The following ZNF484 variants were observed in gnomAD, a reference collection of about 807,000 sequenced individuals.
ZNF484 encodes the protein KRAB box containing C2H2 type zinc finger bA526D8.4.
Under a neutral mutation model 12.9 loss-of-function variants are expected in ZNF484, and 11 were observed. That is an observed-to-expected ratio of 0.85 (90% confidence interval 0.54 to 1.41). The LOEUF (loss-of-function observed/expected upper bound fraction) is 1.41. Ranked by LOEUF, ZNF484 falls within the 40% of genes most tolerant of loss-of-function variation. ZNF484 has a pLI of 0.00. For missense variants in ZNF484, 807 were observed against 1,007.7 expected, an observed-to-expected ratio of 0.80 and a Z score of 2.70; for synonymous variants, 289 against 334.1, an observed-to-expected ratio of 0.86 and a Z score of 1.47.
At chr9:92,855,933 T>C in intron 3 of ZNF484, 30 bp from the exon 4 acceptor site, 1 of 1,608,878 alleles carries the variant, frequency 6.2e-7, no homozygotes, top group South Asian at 1.1e-5. Context: ...GAGGACTTGA[T>C]TTCAGAGGCC....
rs1294243707 is a variant in ZNF484, at chr9:92,855,544, G to C, written c.235+267C>G. Reference sequence around the variant, plus strand: ...CAAGAAAACAGGACCCTAGAAAGTAGAGTGTGACATGATCCAAAGAACCAG... The same window carrying C: ...CAAGAAAACAGGACCCTAGAAAGTACAGTGTGACATGATCCAAAGAACCAG... On this transcript the variant is annotated intron_variant, in intron 4 of 4. Coordinates refer to ENST00000375495, the MANE Select transcript of ZNF484 (RefSeq NM_031486.4). Among the ~76,000 whole-genome samples the C allele has an allele frequency of 3.3e-5, 5 of 152,148 alleles. 1 individual carries two copies. Among genetic ancestry groups the C allele is most frequent in the African/African-American group, 1.2e-4 (5 of 41,436 alleles).
chr9:92,848,468 TGAA>T lies in ZNF484; in HGVS notation c.316_318del (p.Phe106del). The T allele has an allele frequency of 6.2e-7, 1 of 1,613,716 alleles. No homozygotes were observed. Among genetic ancestry groups the T allele is most frequent in the South Asian group, 1.1e-5 (1 of 91,040 alleles). ...AAAATGGAATATGGGTCATCTCTTG[TGAA>T]GAGATTAATATTAATCTCAGACTGG... On this transcript the variant is annotated inframe_deletion, in exon 5 of 5. Transcript: ENST00000375495. The surrounding 1 kb of genome is among the most constrained non-coding windows in gnomAD (Gnocchi z 4.1).
Position 92,855,920 on chromosome 9 carries a change from A to G in ZNF484, c.143-17T>C, listed in dbSNP as rs776042617. 3.1e-6 allele frequency: 5 copies of G among 1,612,678 alleles called. No homozygotes were observed. Among genetic ancestry groups the G allele is most frequent in the Non-Finnish European group, 4.2e-6 (5 of 1,179,324 alleles). On this transcript the variant is annotated splice_polypyrimidine_tract_variant and intron_variant, in intron 3 of 4. Coordinates refer to ENST00000375495, the MANE Select transcript of ZNF484 (RefSeq NM_031486.4). ...CTTGACATCCTGTTAACAGGGGATG[A>G]TAGAGGACTTGATTTCAGAGGCCAT... is the stretch of plus-strand genomic sequence containing the variant.
At chr9:92,860,636 AC>A (rs1333608194) in intron 2 of ZNF484, among the ~76,000 whole-genome samples, 9 of 151,048 alleles carry the variant, frequency 6.0e-5, no homozygotes, top group Admixed American at 5.9e-4. Flanking sequence ...AACAAAACAA[AC>A]AAAAAAAAAC....
chr9:92,873,603 T>C (rs1857593761), intron 2 of ZNF484, among the ~76,000 whole-genome samples: 1 of 152,184 alleles, frequency 6.6e-6, no homozygotes, highest in Non-Finnish European at 1.5e-5. Flanking sequence ...ATTAACATAA[T>C]TAACATAAAT....
chr9:92,853,624 G>A (rs1856245083), intron 4 of ZNF484, among the ~76,000 whole-genome samples: 1 of 152,228 alleles, frequency 6.6e-6, no homozygotes, highest in Admixed American at 6.5e-5. Flanking sequence ...GCAACTTTAA[G>A]GAGGGCCCAA....
Position 92,847,080 on chromosome 9 carries a change from C to T in ZNF484, c.1707G>A (p.Met569Ile). The T allele has an allele frequency of 6.2e-7, 1 of 1,613,958 alleles. No individual in the cohort carries two copies. Among genetic ancestry groups the T allele is most frequent in the Non-Finnish European group, 8.5e-7 (1 of 1,179,984 alleles). Reference protein sequence around the residue: ...KAFIQKSTLSMHQRIHRGEKP... With the variant: ...KAFIQKSTLSIHQRIHRGEKP... ...TTTCCCCTCTATGAATTCTCTGGTG[C>T]ATACTTAATGTTGACTTCTGAATGA... Residue 569 changes from methionine to isoleucine, a missense_variant, in exon 5 of 5, where the codon ATG (methionine) becomes ATA (isoleucine). Transcript: ENST00000375495.
chr9:92,875,757 T>C (rs1436569533), intron 1 of ZNF484, among the ~76,000 whole-genome samples: 1 of 152,192 alleles, frequency 6.6e-6, no homozygotes, highest in Non-Finnish European at 1.5e-5. Flanking sequence ...AACTAGGCTA[T>C]AAGCTCCTCC....
intron 2 of ZNF484, among the ~76,000 whole-genome samples, chr9:92,856,689 G>A (rs1006251977): frequency 2.0e-5 from 3 of 152,124 alleles, no homozygotes; most frequent in Admixed American, 6.5e-5. Context: ...AATGATGGCT[G>A]TACAACTGAG....
intron 4 of ZNF484, among the ~76,000 whole-genome samples, chr9:92,849,983 G>C (rs985787448): frequency 3.3e-5 from 5 of 152,124 alleles, no homozygotes; most frequent in Admixed American, 6.5e-5. Flanking sequence ...TGTATTTTTA[G>C]TAGAGACGGG....
At chr9:92,856,097 T>A in intron 3 of ZNF484, 95 bp downstream of exon 3, 1 of 1,538,374 alleles carries the variant, frequency 6.5e-7, no homozygotes, top group East Asian at 2.3e-5. Context: ...AAGTCCCACA[T>A]ACCTCAGAAA....
intron 2 of ZNF484, among the ~76,000 whole-genome samples, chr9:92,869,267 T>C (rs1857289075): frequency 6.6e-6 from 1 of 152,194 alleles, no homozygotes; most frequent in African/African-American, 2.4e-5. Context: ...ATATATATTG[T>C]ACATGTATGT....
In ZNF484 at chr9:92,846,876, C is replaced by T. The variant is rs775288271; in HGVS notation, c.1911G>A (p.Arg637=). The change falls in exon 5 of 5, where the codon AGG becomes AGA. Residue 637 remains arginine, a synonymous_variant. Coordinates refer to ENST00000375495, the MANE Select transcript of ZNF484 (RefSeq NM_031486.4). ...QQIHTGEKPY[R]CAECGKAFTD... is the part of the protein sequence containing the mutation. ...TAAAAGCCTTTCCACATTCAGCACA[C>T]CTATAGGGTTTCTCTCCTGTGTGAA... 1.2e-5 allele frequency: 19 copies of T among 1,611,114 alleles called. No individual in the cohort carries two copies. Among genetic ancestry groups the T allele is most frequent in the Non-Finnish European group, 1.6e-5 (19 of 1,179,066 alleles).
At chr9:92,856,437 T>C in intron 2 of ZNF484, 119 bp from the exon 3 acceptor site, 1 of 721,436 alleles carries the variant, frequency 1.4e-6, no homozygotes, top group Non-Finnish European at 2.1e-6. Flanking sequence ...GATAGGACCT[T>C]ATTTTTAATG....
intron 2 of ZNF484, chr9:92,862,187 G>T (rs1856820922): frequency 1.9e-5 from 18 of 943,240 alleles, no homozygotes; most frequent in Non-Finnish European, 2.1e-5. Context: ...AATAAAAAAA[G>T]AATTAACTGC....
chr9:92,877,721 C>T lies in ZNF484; in HGVS notation c.-31+169G>A, dbSNP rs1396069704. On this transcript the variant is annotated intron_variant, in intron 1 of 4. Coordinates refer to ENST00000375495, the MANE Select transcript of ZNF484 (RefSeq NM_031486.4). ...CTCACTCCGCCTGCAGATCCACCAC[C>T]AGAGACCCCTCAGTGCCCCCTCACT... 9 of 1,479,348 alleles carry T rather than the reference C, an allele frequency of 6.1e-6. 1 individual carries two copies. The African/African-American group carries it at 7.0e-5, about 11-fold the overall frequency. The allele number at this position is 1,479,348 out of a possible 1,614,324, so 91.6% of individuals were successfully genotyped here.
intron 4 of ZNF484, among the ~76,000 whole-genome samples, chr9:92,851,731 T>C (rs1417412770): frequency 6.6e-6 from 1 of 152,196 alleles, no homozygotes; most frequent in East Asian, 1.9e-4. Context: ...GTCTTTTCAT[T>C]TTCTCCATTT....
chr9:92,852,891 C>T (rs73520497), intron 4 of ZNF484, among the ~76,000 whole-genome samples: 2,407 of 151,698 alleles, frequency 0.016, 54 homozygotes, highest in African/African-American at 0.052. Context: ...TCAAAGGGCT[C>T]GATGAAAAGG....
chr9:92,871,048 T>C (rs532329349), intron 2 of ZNF484, among the ~76,000 whole-genome samples: 1 of 152,238 alleles, frequency 6.6e-6, no homozygotes, highest in South Asian at 2.1e-4. Context: ...ACAAAATCAT[T>C]TGTAAAACCA....
Sources: allele counts gnomAD v4.1 joint callset (sites outside exome capture counted in the v4.1 genomes callset), GRCh38; gene constraint gnomAD v4.1.1; non-coding constraint Gnocchi (gnomAD v3.1); transcripts MANE v1.5; gene names NCBI Gene and HGNC (gene_info 2026-07-23, HGNC 2026-07-21).